The following KIF9 variants were observed in gnomAD, a reference collection of about 807,000 sequenced individuals.
The protein encoded by KIF9 is kinesin-like protein KIF9.
Under a neutral mutation model 94.8 loss-of-function variants are expected in KIF9, and 68 were observed. That is an observed-to-expected ratio of 0.72 (90% CI 0.59 to 0.88). KIF9 has a LOEUF of 0.88. Among genes scored for constraint, KIF9 ranks in the 40% least tolerant of loss-of-function variants. The pLI, the probability that KIF9 is intolerant of heterozygous loss-of-function variation, is 0.00. For missense variants in KIF9, 882 were observed against 982.5 expected, an observed-to-expected ratio of 0.90 and a Z score of 1.37; for synonymous variants, 343 against 362.1, an observed-to-expected ratio of 0.95 and a Z score of 0.60.
intron 8 of KIF9, among the ~76,000 whole-genome samples, chr3:47,265,446 A>G (rs1240053140): frequency 2.0e-5 from 3 of 152,304 alleles, no homozygotes; most frequent in African/African-American, 4.8e-5. Flanking sequence ...CAGGCTGTGA[A>G]GGATTCTGCC....
intron 16 of KIF9, among the ~76,000 whole-genome samples, chr3:47,242,340 C>A (rs995143380): frequency 3.9e-5 from 6 of 151,928 alleles, no homozygotes; most frequent in Non-Finnish European, 5.9e-5. Flanking sequence ...TTGATGTGGG[C>A]AACTTTGAAA....
At position 47,235,512 on chromosome 3, in the gene KIF9, C is replaced by T. The variant is rs1698953366; in HGVS notation, c.2322+1G>A. ...CCTGGAGACATAGGCCTCTGAGTTACCTTCTGCTCTATCTTGACTTTGGCA... is the reference window on the plus strand; with the variant it reads ...CCTGGAGACATAGGCCTCTGAGTTATCTTCTGCTCTATCTTGACTTTGGCA... On this transcript the variant is annotated splice_donor_variant, in intron 20 of 20. Transcript: ENST00000684063. LOFTEE classifies it high-confidence loss of function. 1.2e-6 allele frequency: 2 copies of T among 1,609,392 alleles called. No homozygotes were observed. Among genetic ancestry groups the T allele is most frequent in the Non-Finnish European group, 1.7e-6 (2 of 1,175,682 alleles).
intron 5 of KIF9, among the ~76,000 whole-genome samples, chr3:47,270,347 G>A (rs1267994981): frequency 1.3e-5 from 2 of 151,190 alleles, no homozygotes; most frequent in Admixed American, 6.6e-5. Context: ...AGTGCCTCCC[G>A]GGTTCAAGTG....
In KIF9 at chr3:47,275,405, A is replaced by G; in HGVS notation, c.179T>C (p.Val60Ala). 1 of 1,613,706 alleles carries G rather than the reference A, an allele frequency of 6.2e-7. No homozygotes were observed. The highest frequency in any genetic ancestry group is 8.5e-7 in the Non-Finnish European group (1 of 1,179,682). ...QTDWSFKLDG[V>A]LHDASQDLVY... Reference sequence around the variant, plus strand: ...CAAGTCCTGGGAGGCATCGTGAAGAACTCCATCCAACTTAAACGACCAGTC... The same window carrying G: ...CAAGTCCTGGGAGGCATCGTGAAGAGCTCCATCCAACTTAAACGACCAGTC... Residue 60 changes from valine to alanine, a missense_variant, in exon 3 of 21, where the codon GTT (valine) becomes GCT (alanine). By Grantham distance (64) the Val-to-Ala change is moderately conservative. Coordinates refer to ENST00000684063, the MANE Select transcript of KIF9 (RefSeq NM_182902.4).
chr3:47,272,919 G>A (rs1181129225), intron 4 of KIF9, among the ~76,000 whole-genome samples: 1 of 152,148 alleles, frequency 6.6e-6, no homozygotes, highest in Non-Finnish European at 1.5e-5. Context: ...AAAAAATCCT[G>A]TCCTATAACA....
chr3:47,258,600 TG>T (rs1316382156), intron 9 of KIF9, among the ~76,000 whole-genome samples: 1 of 152,154 alleles, frequency 6.6e-6, no homozygotes, highest in Non-Finnish European at 1.5e-5. Context: ...GCTGTTCTCA[TG>T]GTAGTGAGTG....
At chr3:47,262,509 G>A (rs1364040559) in intron 9 of KIF9, among the ~76,000 whole-genome samples, 1 of 152,078 alleles carries the variant, frequency 6.6e-6, no homozygotes, top group Non-Finnish European at 1.5e-5. Context: ...ACCTCAAGGA[G>A]TGATCTGCCC....
At chr3:47,256,867 A>G (rs1576017856) in intron 10 of KIF9, among the ~76,000 whole-genome samples, 1 of 152,324 alleles carries the variant, frequency 6.6e-6, no homozygotes, top group East Asian at 1.9e-4. Flanking sequence ...TCTCTGAAAC[A>G]TGTGCTGTGT....
rs369424947 is a variant in KIF9 at position 47,248,427 on chromosome 3, C to G, written c.1060-341G>C. On this transcript the variant is annotated intron_variant, in intron 10 of 20. Coordinates refer to ENST00000684063, the MANE Select transcript of KIF9 (RefSeq NM_182902.4). ...CAGGATAATGGCCCTTTTGGTGCAG[C>G]CTACAGACTCCAGAATGCTTTCTTT... Among the ~76,000 whole-genome samples the G allele has an allele frequency of 1.2e-4, 18 of 152,200 alleles. No homozygotes were observed. In the South Asian group the frequency reaches 3.7e-3, roughly 32 times the overall value.
At position 47,277,395 on chromosome 3, in the gene KIF9, C is replaced by G; in HGVS notation, c.-5-16G>C. 6.3e-7 allele frequency: 1 copy of G among 1,577,898 alleles called. No homozygotes were observed. The highest frequency in any genetic ancestry group is 8.7e-7 in the Non-Finnish European group (1 of 1,147,848). On this transcript the variant is annotated splice_polypyrimidine_tract_variant and intron_variant, in intron 1 of 20. Coordinates refer to ENST00000684063, the MANE Select transcript of KIF9 (RefSeq NM_182902.4). ...CCCATTCTAGCTAAAAAGAAGGGAA[C>G]AATGAAATTTTGAGTAGTCATTATC...
chr3:47,262,797 T>C (rs1701065622), intron 9 of KIF9, among the ~76,000 whole-genome samples: 1 of 152,244 alleles, frequency 6.6e-6, no homozygotes, highest in Non-Finnish European at 1.5e-5. Context: ...AATAATCTGT[T>C]TCTCCTAAGT....
In KIF9 at chr3:47,275,476, G is replaced by A. The variant is rs779065534; in HGVS notation, c.108C>T (p.His36=). 7.5e-6 allele frequency: 12 copies of A among 1,607,294 alleles called. No individual in the cohort carries two copies. In the East Asian group the frequency reaches 2.5e-4, roughly 33 times the overall value. Residue 36 remains histidine, a synonymous_variant, in exon 3 of 21, where the codon CAC becomes CAT. Coordinates refer to ENST00000684063, the MANE Select transcript of KIF9 (RefSeq NM_182902.4). ...CTCCTCTCCGAATGTCTTTTTTTAA[G>A]TGAATATCAATGCTCTAGGAAAAAA... is the stretch of plus-strand genomic sequence containing the variant. ...YGDDKRSIDI[H]LKKDIRRGVV...
At chr3:47,237,650 G>C (rs1348875812) in intron 17 of KIF9, among the ~76,000 whole-genome samples, 2 of 152,250 alleles carry the variant, frequency 1.3e-5, no homozygotes, top group Non-Finnish European at 2.9e-5. Context: ...TGTAGGGTAA[G>C]TGTGTTCTGC....
At chr3:47,231,529 G>C (rs913998840) in intron 20 of KIF9, among the ~76,000 whole-genome samples, 2 of 146,550 alleles carry the variant, frequency 1.4e-5, no homozygotes. Context: ...TCACACCTCA[G>C]CCTCCCAAGT....
At chr3:47,256,402 G>A (rs1207859145) in intron 10 of KIF9, among the ~76,000 whole-genome samples, 3 of 151,472 alleles carry the variant, frequency 2.0e-5, no homozygotes, top group Admixed American at 6.6e-5. Context: ...GAGCCCCTCC[G>A]CCCGGCAGCC....
chr3:47,237,559 G>A (rs745837154), intron 17 of KIF9, among the ~76,000 whole-genome samples: 3 of 152,186 alleles, frequency 2.0e-5, no homozygotes, highest in Admixed American at 6.5e-5. Context: ...AATTTGGTGT[G>A]CAAAGCCATT....
At chr3:47,234,239 T>TC (rs1358776651) in intron 20 of KIF9, among the ~76,000 whole-genome samples, 1 of 151,916 alleles carries the variant, frequency 6.6e-6, no homozygotes, top group East Asian at 1.9e-4. Context: ...ACTTTCTTTT[T>TC]TTTTTTTTTG....
At chr3:47,276,155 A>G (rs1008055240) in intron 2 of KIF9, among the ~76,000 whole-genome samples, 7 of 152,200 alleles carry the variant, frequency 4.6e-5, no homozygotes, top group Non-Finnish European at 1.0e-4. Flanking sequence ...GTAGATTCCA[A>G]TCTTCTTGAT....
At chr3:47,250,164 T>C (rs1700179160) in intron 10 of KIF9, among the ~76,000 whole-genome samples, 1 of 152,100 alleles carries the variant, frequency 6.6e-6, no homozygotes, top group African/African-American at 2.4e-5. Flanking sequence ...TGCTGTCCAA[T>C]AGCACTTTCT....
Sources: gnomAD v4.1 joint callset for allele counts (sites outside exome capture counted in the v4.1 genomes callset) on GRCh38, gnomAD v4.1.1 for gene constraint, MANE v1.5 for transcripts, NCBI Gene and HGNC (gene_info 2026-07-23, HGNC 2026-07-21) for gene names.